Variants in C9 observed in about 807,000 individuals in gnomAD.
The protein encoded by C9 is complement component C9.
A neutral mutation model predicts 65.4 loss-of-function variants in C9; 63 were observed. That is an observed-to-expected ratio of 0.96 (90% CI 0.79 to 1.19). C9 has a LOEUF of 1.19. Ranked by LOEUF, C9 falls within the 50% of genes most tolerant of loss-of-function variation. C9 has a pLI of 0.00. For missense variants in C9, 744 were observed against 670.1 expected (o/e 1.11, Z -1.22); for synonymous variants, 229 against 227.9 (o/e 1.00, Z -0.04).
chr5:39,346,573 G>A (rs529786670), intron 1 of C9, among the ~76,000 whole-genome samples: 19 of 152,172 alleles, frequency 1.2e-4, no homozygotes, highest in Non-Finnish European at 2.5e-4. Context: ...TGGATTCACA[G>A]CTGAATTCTA....
At chr5:39,300,153 C>T (rs1237548026) in intron 9 of C9, among the ~76,000 whole-genome samples, 1 of 152,080 alleles carries the variant, frequency 6.6e-6, no homozygotes, top group Non-Finnish European at 1.5e-5. Flanking sequence ...TGGCTCCTGG[C>T]TGCAATCCCA....
chr5:39,358,869 C>T (rs888393760), intron 1 of C9, among the ~76,000 whole-genome samples: 3 of 151,164 alleles, frequency 2.0e-5, no homozygotes, highest in Non-Finnish European at 4.4e-5. Flanking sequence ...CCTGTAGTCC[C>T]AGCTACTAGG....
At position 39,345,839 on chromosome 5, in the gene C9, T is replaced by C. The variant is rs1441158615; in HGVS notation, c.78-3643A>G. ...AACTGTCTCTCAGACCACAGTGCAATCCAACTAGAACTCAGGAATAAGAAG... is the reference window on the plus strand; with the variant it reads ...AACTGTCTCTCAGACCACAGTGCAACCCAACTAGAACTCAGGAATAAGAAG... On this transcript the variant is annotated intron_variant, in intron 1 of 10. Coordinates refer to ENST00000263408, the MANE Select transcript of C9 (RefSeq NM_001737.5). Among the ~76,000 whole-genome samples, 14 of 152,140 alleles carry C rather than the reference T, an allele frequency of 9.2e-5. 1 individual carries two copies. Among genetic ancestry groups the C allele is most frequent in the Non-Finnish European group, 2.1e-4 (14 of 68,014 alleles).
At chr5:39,361,500 G>A (rs1256547225) in intron 1 of C9, among the ~76,000 whole-genome samples, 5 of 152,202 alleles carry the variant, frequency 3.3e-5, no homozygotes, top group African/African-American at 4.8e-5. Flanking sequence ...TGTTTGCCTG[G>A]CACTGTGCTA....
At chr5:39,354,903 AGG>A (rs1754388546) in intron 1 of C9, among the ~76,000 whole-genome samples, 1 of 152,192 alleles carries the variant, frequency 6.6e-6, no homozygotes, top group South Asian at 2.1e-4. Flanking sequence ...AAATTACACT[AGG>A]AGGTAAAGGA....
intron 5 of C9, among the ~76,000 whole-genome samples, chr5:39,316,551 T>C (rs952148498): frequency 1.3e-5 from 2 of 152,132 alleles, no homozygotes; most frequent in East Asian, 3.9e-4. Context: ...AACGTGTCCA[T>C]GTGTTCTGAT....
chr5:39,346,848 G>A (rs948412314), intron 1 of C9, among the ~76,000 whole-genome samples: 2 of 152,164 alleles, frequency 1.3e-5, no homozygotes, highest in South Asian at 2.1e-4. Flanking sequence ...TCATCCCTGG[G>A]ATGCAAGGCT....
At position 39,329,407 on chromosome 5, in the gene C9, T is replaced by A. The variant is rs150182341; in HGVS notation, c.615+2269A>T. ...CCATTTATCTCCATGAGGTAGGCAT[T>A]ATTATTTCTATTTTATAGATAAAGA... On this transcript the variant is annotated intron_variant, in intron 5 of 10. Coordinates refer to ENST00000263408, the MANE Select transcript of C9 (RefSeq NM_001737.5). Among the ~76,000 whole-genome samples, 215 of 152,312 alleles carry A rather than the reference T, an allele frequency of 1.4e-3. 1 individual carries two copies. The South Asian group carries it at 0.029, about 20-fold the overall frequency.
chr5:39,345,044 C>G (rs561543864), intron 1 of C9, among the ~76,000 whole-genome samples: 2 of 152,124 alleles, frequency 1.3e-5, no homozygotes. Flanking sequence ...AAAGAAACAA[C>G]CAGTACCAGC....
chr5:39,332,634 G>A (rs964484240), intron 4 of C9, among the ~76,000 whole-genome samples: 1 of 152,192 alleles, frequency 6.6e-6, no homozygotes, highest in African/African-American at 2.4e-5. Flanking sequence ...ACGGCCCCAA[G>A]CCAGGGAGGC....
intron 4 of C9, among the ~76,000 whole-genome samples, chr5:39,340,894 C>T (rs887474105): frequency 6.6e-6 from 1 of 152,124 alleles, no homozygotes; most frequent in Admixed American, 6.5e-5. Flanking sequence ...CACTGAGAGA[C>T]AATTATCTAA....
chr5:39,316,865 T>A (rs1753577921), intron 5 of C9, among the ~76,000 whole-genome samples: 1 of 152,208 alleles, frequency 6.6e-6, no homozygotes, highest in Admixed American at 6.5e-5. Context: ...ATATACTCAG[T>A]ATTGGGATTG....
chr5:39,323,921 A>G (rs892363770), intron 5 of C9, among the ~76,000 whole-genome samples: 23 of 152,176 alleles, frequency 1.5e-4, no homozygotes, highest in African/African-American at 5.1e-4. Flanking sequence ...ACACCACCCA[A>G]AAAACAAAAC....
At chr5:39,305,546 G>T (rs1445061996) in intron 9 of C9, among the ~76,000 whole-genome samples, 1 of 151,876 alleles carries the variant, frequency 6.6e-6, no homozygotes, top group African/African-American at 2.4e-5. Flanking sequence ...TAAAACATAC[G>T]GCGAAAATTG....
intron 1 of C9, among the ~76,000 whole-genome samples, chr5:39,361,258 T>C (rs1333888542): frequency 6.6e-6 from 1 of 152,188 alleles, no homozygotes; most frequent in African/African-American, 2.4e-5. Flanking sequence ...CAGAAACTTA[T>C]ATATGTGACA....
intron 1 of C9, among the ~76,000 whole-genome samples, chr5:39,351,783 C>T (rs1268685743): frequency 6.6e-6 from 1 of 152,210 alleles, no homozygotes; most frequent in African/African-American, 2.4e-5. Flanking sequence ...CAACAAGTCT[C>T]TAGGAAGTTC....
At chr5:39,343,598 G>T (rs1321522571) in intron 1 of C9, among the ~76,000 whole-genome samples, 2 of 152,236 alleles carry the variant, frequency 1.3e-5, no homozygotes, top group African/African-American at 2.4e-5. Flanking sequence ...ACCTCTGGGG[G>T]TAGGGCATAG....
chr5:39,349,081 T>A (rs1754269885), intron 1 of C9, among the ~76,000 whole-genome samples: 1 of 151,246 alleles, frequency 6.6e-6, no homozygotes, highest in South Asian at 2.1e-4. Flanking sequence ...AAATGACGAG[T>A]TAATGGGTGC....
intron 1 of C9, among the ~76,000 whole-genome samples, chr5:39,356,282 C>A (rs1754412209): frequency 6.6e-6 from 1 of 152,196 alleles, no homozygotes; most frequent in Admixed American, 6.5e-5. Context: ...GACTCGACAA[C>A]TCTTAGCTCT....
Sources: gnomAD v4.1 joint callset for allele counts (sites outside exome capture counted in the v4.1 genomes callset) on GRCh38, gnomAD v4.1.1 for gene constraint, MANE v1.5 for transcripts, NCBI Gene and HGNC (gene_info 2026-07-23, HGNC 2026-07-21) for gene names.